TSPYL1: variants seen among roughly 807,000 people sequenced by gnomAD.
TSPYL1 encodes testis-specific Y-encoded-like protein 1.
In TSPYL1, 16 loss-of-function variants were observed where a neutral mutation model predicts 20.1. The ratio of observed to expected loss-of-function variants is 0.80; its 90% CI spans 0.54 to 1.21. TSPYL1 has a LOEUF of 1.21. TSPYL1 is among the 50% of genes most tolerant of loss of function. The pLI is 0.00. For synonymous variants in TSPYL1, 259 were observed against 227.1 expected (o/e 1.14, Z -1.26); for missense variants, 560 against 569.3 (o/e 0.98, Z 0.17).
rs765670388 is a variant in TSPYL1 at position 116,279,756 on chromosome 6, C to A, written c.75G>T (p.Pro25=). 1 of 1,612,250 alleles carries A rather than the reference C, an allele frequency of 6.2e-7. No homozygotes were observed. The highest frequency in any genetic ancestry group is 1.1e-5 in the South Asian group (1 of 91,082). The change falls in exon 1 of 1, where the codon CCG becomes CCT. Residue 25 remains proline, a synonymous_variant. Coordinates refer to ENST00000368608, the MANE Select transcript of TSPYL1 (RefSeq NM_003309.4). ...THSIIISDQV[P]SDQDAHQYLR... ...GGTACTGGTGTGCGTCCTGGTCGCTCGGGACTTGGTCAGAAATAATGATGC... is the reference window on the plus strand; with the variant it reads ...GGTACTGGTGTGCGTCCTGGTCGCTAGGGACTTGGTCAGAAATAATGATGC...
chr6:116,277,693 G>C lies in TSPYL1; in HGVS notation c.*824C>G, dbSNP rs1480718307. The C allele has an allele frequency of 6.6e-6, 1 of 152,064 alleles. No homozygotes were observed. The highest frequency in any genetic ancestry group is 6.6e-5 in the Admixed American group (1 of 15,266). 9.4% of individuals were successfully genotyped at this position (152,064 alleles called of 1,614,324 possible). On this transcript the variant is annotated 3_prime_UTR_variant, in exon 1 of 1. Coordinates refer to ENST00000368608, the MANE Select transcript of TSPYL1 (RefSeq NM_003309.4). ...GCTAAGGAGGGCGGATCACGAGATCGGGGTTCGAGACCAGCCTGGCCAGCA... is the reference window on the plus strand; with the variant it reads ...GCTAAGGAGGGCGGATCACGAGATCCGGGTTCGAGACCAGCCTGGCCAGCA...
At position 116,278,964 on chromosome 6, in the gene TSPYL1, C is replaced by T. The variant is rs1358965862; in HGVS notation, c.867G>A (p.Leu289=). 1.2e-6 allele frequency: 2 copies of T among 1,614,052 alleles called. No individual in the cohort carries two copies. The highest frequency in any genetic ancestry group is 1.7e-6 in the Non-Finnish European group (2 of 1,180,032). ...WMTAFRNHPQ[L]SAMIRGQDAE... ...CATCTTGGCCCCTAATCATGGCGGA[C>T]AACTGGGGGTGGTTTCGAAAAGCAG... Residue 289 remains leucine, a synonymous_variant, in exon 1 of 1, where the codon TTG becomes TTA. Transcript: ENST00000368608.
rs1215378708 is a variant in TSPYL1, at chr6:116,276,431, ACTG to A, written c.*2083_*2085del. On this transcript the variant is annotated 3_prime_UTR_variant, in exon 1 of 1. Transcript: ENST00000368608. ...AAAAGTGATTGAGTAAGCAGTTGCA[ACTG>A]CTAACGTTTTAAGGCAAACTACCTT... 2.0e-5 allele frequency: 3 copies of A among 152,234 alleles called. No individual in the cohort carries two copies. The highest frequency in any genetic ancestry group is 2.9e-5 in the Non-Finnish European group (2 of 68,040). 9.4% of individuals were successfully genotyped at this position (152,234 alleles called of 1,614,324 possible).
In TSPYL1 at chr6:116,276,932, A is replaced by C. The variant is rs1014119103; in HGVS notation, c.*1585T>G. 1.3e-5 allele frequency: 2 copies of C among 152,224 alleles called. 1 individual carries two copies. The highest frequency in any genetic ancestry group is 1.3e-4 in the Admixed American group (2 of 15,288). The allele number at this position is 152,224 out of a possible 1,614,324, so 9.4% of individuals were successfully genotyped here. A position where few individuals can be genotyped will look rare whatever the true frequency, so the allele number is the denominator to read the frequency against. ...ACTTTTGTAGATTATTTTTCCATGA[A>C]GGCAATTTGACAAGCCTAACAAAGA... On this transcript the variant is annotated 3_prime_UTR_variant, in exon 1 of 1. Coordinates refer to ENST00000368608, the MANE Select transcript of TSPYL1 (RefSeq NM_003309.4).
In TSPYL1 at chr6:116,279,903, C is replaced by T. The variant is rs1224811804; in HGVS notation, c.-73G>A. On this transcript the variant is annotated 5_prime_UTR_variant, in exon 1 of 1. Transcript: ENST00000368608. ...AGGCCGAACTGGGAGCTAACCGCCG[C>T]TCGCACCGCCCACCCTACAGTCTCA... is the stretch of plus-strand genomic sequence containing the variant. 9 of 1,596,726 alleles carry T rather than the reference C, an allele frequency of 5.6e-6. No individual in the cohort carries two copies. Among genetic ancestry groups the T allele is most frequent in the Admixed American group, 3.3e-5 (2 of 59,980 alleles).
chr6:116,279,856 G>C lies in TSPYL1; in HGVS notation c.-26C>G. On this transcript the variant is annotated 5_prime_UTR_variant, in exon 1 of 1. Coordinates refer to ENST00000368608, the MANE Select transcript of TSPYL1 (RefSeq NM_003309.4). ...GTTGCTAACAGTCGGACCAACCGCA[G>C]GCGAACGCCCGTTTTCCTCAGAGGC... is the stretch of plus-strand genomic sequence containing the variant. The C allele has an allele frequency of 6.2e-7, 1 of 1,613,034 alleles. No individual in the cohort carries two copies. Among genetic ancestry groups the C allele is most frequent in the Non-Finnish European group, 8.5e-7 (1 of 1,180,002 alleles).
Position 116,279,728 on chromosome 6 carries a change from T to G in TSPYL1, c.103A>C (p.Arg35=). The change falls in exon 1 of 1, where the codon AGG becomes CGG. Residue 35 remains arginine (R), a synonymous_variant. Coordinates refer to ENST00000368608, the MANE Select transcript of TSPYL1 (RefSeq NM_003309.4). ...PSDQDAHQYL[R]LRDQSEATQV... ...GTCGCCTCGCTTTGGTCGCGGAGCCTCAGGTACTGGTGTGCGTCCTGGTCG... is the reference window on the plus strand; with the variant it reads ...GTCGCCTCGCTTTGGTCGCGGAGCCGCAGGTACTGGTGTGCGTCCTGGTCG... 1.2e-6 allele frequency: 2 copies of G among 1,611,708 alleles called. No homozygotes were observed. The highest frequency in any genetic ancestry group is 1.7e-6 in the Non-Finnish European group (2 of 1,180,020).
rs572904573 is a variant in TSPYL1, at chr6:116,275,582, C to T, written c.*2935G>A. ...TTGGGAGGCTGAGGTGGGCTGATCA[C>T]GAGGTCAGGAGATGGAGACCATCCT... is the stretch of plus-strand genomic sequence containing the variant. On this transcript the variant is annotated 3_prime_UTR_variant, in exon 1 of 1. Transcript: ENST00000368608. 6.6e-6 allele frequency among the ~76,000 whole-genome samples: 1 copy of T among 152,202 alleles called. No homozygotes were observed. Among genetic ancestry groups the T allele is most frequent in the South Asian group, 2.1e-4 (1 of 4,830 alleles).
At position 116,276,205 on chromosome 6, in the gene TSPYL1, G is replaced by A. The variant is rs1773135533; in HGVS notation, c.*2312C>T. Among the ~76,000 whole-genome samples the A allele has an allele frequency of 6.6e-6, 1 of 152,172 alleles. No individual in the cohort carries two copies. Among genetic ancestry groups the A allele is most frequent in the African/African-American group, 2.4e-5 (1 of 41,440 alleles). ...GAAGGATTTGACAGAAGAGAACAGTGAGGAAGTTTAAAGAAAAAAAGGAAG... is the reference window on the plus strand; with the variant it reads ...GAAGGATTTGACAGAAGAGAACAGTAAGGAAGTTTAAAGAAAAAAAGGAAG... On this transcript the variant is annotated 3_prime_UTR_variant, in exon 1 of 1. Transcript: ENST00000368608.
At position 116,279,316 on chromosome 6, in the gene TSPYL1, C is replaced by T. The variant is rs1213469093; in HGVS notation, c.515G>A (p.Ser172Asn). The T allele has an allele frequency of 1.2e-6, 2 of 1,608,412 alleles. No homozygotes were observed. Among genetic ancestry groups the T allele is most frequent in the South Asian group, 1.1e-5 (1 of 90,962 alleles). ...TVSAAVAERE[S>N]AEVVKEGLAE... ...CAGGCCTTCCTTCACCACCTCAGCGCTCTCCCTCTCAGCCACGGCTGCTGA... is the reference window on the plus strand; with the variant it reads ...CAGGCCTTCCTTCACCACCTCAGCGTTCTCCCTCTCAGCCACGGCTGCTGA... Residue 172 changes from serine (S) to asparagine (N), a missense_variant, in exon 1 of 1, where the codon AGC becomes AAC. Coordinates refer to ENST00000368608, the MANE Select transcript of TSPYL1 (RefSeq NM_003309.4).
rs962495425 is a variant in TSPYL1, at chr6:116,277,782, G to A, written c.*735C>T. 1.3e-5 allele frequency: 2 copies of A among 151,924 alleles called. No individual in the cohort carries two copies. Among genetic ancestry groups the A allele is most frequent in the African/African-American group, 2.4e-5 (1 of 41,326 alleles). The allele number at this position is 151,924 out of a possible 1,614,324, so 9.4% of individuals were successfully genotyped here. On this transcript the variant is annotated 3_prime_UTR_variant, in exon 1 of 1. Coordinates refer to ENST00000368608, the MANE Select transcript of TSPYL1 (RefSeq NM_003309.4). ...CCGGGCGTGGCGGCGCGCGCCTGTA[G>A]TCCCAGCTACTCGGGAGGCTGAGGC...
chr6:116,278,351 G>A lies in TSPYL1; in HGVS notation c.*166C>T. 2 of 798,786 alleles carry A rather than the reference G, an allele frequency of 2.5e-6. No individual in the cohort carries two copies. Among genetic ancestry groups the A allele is most frequent in the Non-Finnish European group, 2.0e-6 (1 of 491,572 alleles). 49.5% of individuals were successfully genotyped at this position (798,786 alleles called of 1,614,324 possible). A position where few individuals can be genotyped will look rare whatever the true frequency, so the allele number is the denominator to read the frequency against. On this transcript the variant is annotated 3_prime_UTR_variant, in exon 1 of 1. Coordinates refer to ENST00000368608, the MANE Select transcript of TSPYL1 (RefSeq NM_003309.4). ...GAAGTGGAGAAGCATACCCACCACC[G>A]TCTCAATCTTGAGGTTGAGAGAACT... is the stretch of plus-strand genomic sequence containing the variant.
rs1773301813 is a variant in TSPYL1, at chr6:116,278,914, T to C, written c.917A>G (p.Asn306Ser). 3 of 1,614,010 alleles carry C rather than the reference T, an allele frequency of 1.9e-6. No homozygotes were observed. Among genetic ancestry groups the C allele is most frequent in the South Asian group, 2.2e-5 (2 of 91,086 alleles). ...GTGTCTGAGTTCCTTCACCTCTAAA[T>C]TGGTTATGTACCTTAACATCTCTGC... ...QDAEMLRYIT[N>S]LEVKELRHPR... The change falls in exon 1 of 1, where the codon AAT becomes AGT. Residue 306 changes from asparagine to serine, a missense_variant. Transcript: ENST00000368608.
rs759556042 is a variant in TSPYL1, at chr6:116,279,555, C to T, written c.276G>A (p.Val92=). The change falls in exon 1 of 1, where the codon GTG becomes GTA. Residue 92 remains valine, a synonymous_variant. Transcript: ENST00000368608. ...QIRVVGGRGH[V]AIKAGQEEGQ... ...CCTCTTCCTGCCCGGCTTTGATCGC[C>T]ACATGACCGCGACCCCCAACAACTC... 1.2e-6 allele frequency: 2 copies of T among 1,603,496 alleles called. No individual in the cohort carries two copies. The highest frequency in any genetic ancestry group is 1.1e-5 in the South Asian group (1 of 91,080).
In TSPYL1 at chr6:116,279,237, T is replaced by C. The variant is rs1773327624; in HGVS notation, c.594A>G (p.Glu198=). 5 of 1,608,974 alleles carry C rather than the reference T, an allele frequency of 3.1e-6. No homozygotes were observed. Among genetic ancestry groups the C allele is most frequent in the Non-Finnish European group, 4.2e-6 (5 of 1,179,768 alleles). ...EQMEVEEQPP[E]GEEIEVAEED... is the part of the protein sequence containing the mutation. ...CCTCCGCCACTTCTATTTCTTCACC[T>C]TCTGGCGGCTGCTCCTCTACCTCCA... Residue 198 remains glutamate (E), a synonymous_variant, in exon 1 of 1, where the codon GAA becomes GAG. Coordinates refer to ENST00000368608, the MANE Select transcript of TSPYL1 (RefSeq NM_003309.4).
In TSPYL1 at chr6:116,279,357, T is replaced by G. The variant is rs1773340694; in HGVS notation, c.474A>C (p.Gly158=). ...CGGCTGCTGAGACGGTGGCGCACTTTCCTGTCTTCACCTCCTCCGCCTCAG... is the reference window on the plus strand; with the variant it reads ...CGGCTGCTGAGACGGTGGCGCACTTGCCTGTCTTCACCTCCTCCGCCTCAG... ...AEAEAEEVKT[G]KCATVSAAVA... Residue 158 remains glycine (G), a synonymous_variant, in exon 1 of 1, where the codon GGA becomes GGC. Coordinates refer to ENST00000368608, the MANE Select transcript of TSPYL1 (RefSeq NM_003309.4). 1.2e-6 allele frequency: 2 copies of G among 1,611,842 alleles called. No homozygotes were observed. The highest frequency in any genetic ancestry group is 1.7e-6 in the Non-Finnish European group (2 of 1,179,988).
In TSPYL1 at chr6:116,279,522, A is replaced by G. The variant is rs555815979; in HGVS notation, c.309T>C (p.Pro103=). 1.3e-5 allele frequency: 21 copies of G among 1,607,694 alleles called. No homozygotes were observed. In the South Asian group the frequency reaches 2.3e-4, roughly 18 times the overall value. The part of the protein sequence containing the change: ...AIKAGQEEGQ[P]PAEGLAAASV... ...AAGCGGCTGCCAGGCCTTCGGCGGG[A>G]GGCTGGCCCTCTTCCTGCCCGGCTT... The change falls in exon 1 of 1, where the codon CCT becomes CCC. Residue 103 remains proline (P), a synonymous_variant. Transcript: ENST00000368608.
rs1448035634 is a variant in TSPYL1, at chr6:116,279,056, G to A, written c.775C>T (p.Arg259Trp). ...CGCTCCAGGTAGTGTCGACGCATCC[G>A]CCCAAACTTGTGCTCCAGCTGTTGG... The part of the protein sequence containing the change: ...AFQQLEHKFG[R>W]MRRHYLERRN... Residue 259 changes from arginine (R) to tryptophan (W), a missense_variant, in exon 1 of 1, where the codon CGG becomes TGG. Transcript: ENST00000368608. 1 of 1,613,030 alleles carries A rather than the reference G, an allele frequency of 6.2e-7. No individual in the cohort carries two copies. Among genetic ancestry groups the A allele is most frequent in the Non-Finnish European group, 8.5e-7 (1 of 1,179,344 alleles).
chr6:116,278,368 G>C lies in TSPYL1; in HGVS notation c.*149C>G, dbSNP rs1038923184. ...CCACCACCGTCTCAATCTTGAGGTT[G>C]AGAGAACTGAATATCCAAAGGAAAC... On this transcript the variant is annotated 3_prime_UTR_variant, in exon 1 of 1. Transcript: ENST00000368608. 2 of 968,974 alleles carry C rather than the reference G, an allele frequency of 2.1e-6. No homozygotes were observed. The highest frequency in any genetic ancestry group is 3.3e-5 in the African/African-American group (2 of 61,484). The allele number at this position is 968,974 out of a possible 1,614,324, so 60.0% of individuals were successfully genotyped here. A position where few individuals can be genotyped will look rare whatever the true frequency, so the allele number is the denominator to read the frequency against.
Sources: allele counts gnomAD v4.1 joint callset (sites outside exome capture counted in the v4.1 genomes callset), GRCh38; gene constraint gnomAD v4.1.1; transcripts MANE v1.5; gene names NCBI Gene and HGNC (gene_info 2026-07-23, HGNC 2026-07-21).